Variants in BANK1 observed in about 807,000 individuals in gnomAD.
BANK1 encodes the protein B-cell scaffold protein with ankyrin repeats.
In BANK1, 95 loss-of-function variants were observed where a neutral mutation model predicts 94.5. The observed-to-expected ratio is 1.00, with a 90% CI of 0.85 to 1.19. BANK1 has a LOEUF of 1.19. BANK1 is among the 50% of genes most tolerant of loss of function. The pLI, the probability that BANK1 is intolerant of heterozygous loss-of-function variation, is 0.00. For missense variants in BANK1, 987 were observed against 932.2 expected (o/e 1.06, Z -0.77); for synonymous variants, 334 against 308.4 (o/e 1.08, Z -0.87).
intron 7 of BANK1, among the ~76,000 whole-genome samples, chr4:101,942,796 G>A (rs1432970639): frequency 6.6e-6 from 1 of 151,718 alleles, no homozygotes; most frequent in Non-Finnish European, 1.5e-5. Context: ...TTAAGATGTT[G>A]TATCTATTAA....
intron 5 of BANK1, among the ~76,000 whole-genome samples, chr4:101,875,516 C>T (rs571635708): frequency 6.6e-6 from 1 of 152,216 alleles, no homozygotes; most frequent in African/African-American, 2.4e-5. Flanking sequence ...GACTGCCACA[C>T]ATTTTTAAAC....
intron 7 of BANK1, among the ~76,000 whole-genome samples, chr4:102,002,154 G>A (rs995869475): frequency 2.6e-5 from 4 of 152,144 alleles, no homozygotes; most frequent in African/African-American, 9.7e-5. Flanking sequence ...CCTCCTATAT[G>A]TACCATCTTA....
intron 7 of BANK1, among the ~76,000 whole-genome samples, chr4:101,948,891 A>G (rs1560647899): frequency 6.6e-6 from 1 of 152,088 alleles, no homozygotes; most frequent in Non-Finnish European, 1.5e-5. Context: ...CCTTGCCTTT[A>G]TTTAAAATTT....
intron 7 of BANK1, among the ~76,000 whole-genome samples, chr4:101,929,911 C>T (rs1305348664): frequency 6.6e-6 from 1 of 151,376 alleles, no homozygotes; most frequent in African/African-American, 2.4e-5. Context: ...ATATTTGTTA[C>T]ACCATGCTCA....
chr4:101,807,336 A>G (rs1485888628), intron 1 of BANK1, among the ~76,000 whole-genome samples: 3 of 152,220 alleles, frequency 2.0e-5, no homozygotes, highest in Non-Finnish European at 2.9e-5. Flanking sequence ...GTAAACATAC[A>G]AACATACAGA....
intron 13 of BANK1, among the ~76,000 whole-genome samples, chr4:102,065,553 G>A (rs991327276): frequency 2.0e-5 from 3 of 151,904 alleles, no homozygotes; most frequent in Admixed American, 6.6e-5. Flanking sequence ...AAAGATACAG[G>A]AAACTGTAAT....
chr4:101,813,803 T>G (rs770029107), intron 1 of BANK1: 2 of 948,602 alleles, frequency 2.1e-6, no homozygotes, highest in Non-Finnish European at 2.5e-6. Flanking sequence ...GAGACACACT[T>G]TGCTAGGTCT....
At chr4:102,060,082 T>C (rs1728360472) in intron 11 of BANK1, 129 bp from the exon 12 acceptor site, 3 of 796,696 alleles carry the variant, frequency 3.8e-6, no homozygotes, top group South Asian at 5.4e-5. Flanking sequence ...AAAAGTGTGC[T>C]GGTTTATTCT....
rs555213819 is a variant in BANK1 at position 101,993,333 on chromosome 4, T to C, written c.1207-28181T>C. On this transcript the variant is annotated intron_variant, in intron 7 of 16. Transcript: ENST00000322953. The stretch of plus-strand genomic sequence containing the variant: ...ACCAGCAGTAGCAATCATCAGTAGC[T>C]TTTTGGCAATTTACTTTCTTCTCTC... 1.1e-4 allele frequency among the ~76,000 whole-genome samples: 17 copies of C among 152,308 alleles called. No homozygotes were observed. The East Asian group carries it at 3.3e-3, about 29-fold the overall frequency.
At chr4:101,805,333 G>A (rs775612771) in intron 1 of BANK1, among the ~76,000 whole-genome samples, 189 of 152,118 alleles carry the variant, frequency 1.2e-3, no homozygotes, top group Middle Eastern at 3.4e-3. Flanking sequence ...AACTTAACAG[G>A]ACATATAGAA....
intron 1 of BANK1, among the ~76,000 whole-genome samples, chr4:101,796,910 T>C (rs560724085): frequency 1.3e-5 from 2 of 152,244 alleles, no homozygotes; most frequent in East Asian, 3.9e-4. Flanking sequence ...AAGAGTAAGA[T>C]GAGATATAAA....
intron 11 of BANK1, among the ~76,000 whole-genome samples, chr4:102,055,887 A>G (rs1364522654): frequency 6.6e-6 from 1 of 152,104 alleles, no homozygotes; most frequent in East Asian, 1.9e-4. Flanking sequence ...TGACAGTTTG[A>G]AAGAATGTTT....
intron 1 of BANK1, among the ~76,000 whole-genome samples, chr4:101,822,787 T>G (rs1009284398): frequency 1.3e-5 from 2 of 152,044 alleles, no homozygotes; most frequent in African/African-American, 4.8e-5. Flanking sequence ...CACTAATTTT[T>G]TGTATTTTTA....
chr4:101,964,439 T>G (rs2851325), intron 7 of BANK1, among the ~76,000 whole-genome samples: 123,557 of 151,992 alleles, frequency 0.81, 50,754 homozygotes, highest in Non-Finnish European at 0.88. Flanking sequence ...AGTTGTAATT[T>G]CTTTCTTTTC....
chr4:101,879,534 C>T (rs1728602402), intron 5 of BANK1, among the ~76,000 whole-genome samples: 2 of 151,974 alleles, frequency 1.3e-5, no homozygotes. Context: ...AGGTTGAATA[C>T]TAATCCTAAT....
chr4:101,949,073 C>T (rs139412236), intron 7 of BANK1, among the ~76,000 whole-genome samples: 1 of 152,098 alleles, frequency 6.6e-6, no homozygotes, highest in African/African-American at 2.4e-5. Flanking sequence ...CTTGGGCTTG[C>T]TCTTATTTCT....
At chr4:101,872,157 A>C (rs1158718123) in intron 5 of BANK1, among the ~76,000 whole-genome samples, 2 of 152,158 alleles carry the variant, frequency 1.3e-5, no homozygotes, top group Non-Finnish European at 2.9e-5. Context: ...AGGTTTTACC[A>C]TCAGGAGAGA....
intron 5 of BANK1, among the ~76,000 whole-genome samples, chr4:101,875,620 C>G (rs557187965): frequency 2.6e-5 from 4 of 152,062 alleles, no homozygotes; most frequent in Admixed American, 6.5e-5. Context: ...AGGGTCCCCC[C>G]CTAGATACAT....
intron 7 of BANK1, among the ~76,000 whole-genome samples, chr4:101,944,747 A>G (rs1560645790): frequency 6.6e-6 from 1 of 151,984 alleles, no homozygotes; most frequent in Non-Finnish European, 1.5e-5. Context: ...TGTGATTCCA[A>G]TGGACAGCAG....
Sources: gnomAD v4.1 joint callset for allele counts (sites outside exome capture counted in the v4.1 genomes callset) on GRCh38, gnomAD v4.1.1 for gene constraint, MANE v1.5 for transcripts, NCBI Gene and HGNC (gene_info 2026-07-23, HGNC 2026-07-21) for gene names.